The following SUPT3H variants were observed in gnomAD, a reference collection of about 807,000 sequenced individuals.
SUPT3H encodes the protein transcription initiation protein SPT3 homolog.
Under a neutral mutation model 44.3 loss-of-function variants are expected in SUPT3H, and 44 were observed. That is an observed-to-expected ratio of 0.99 (90% CI 0.78 to 1.28). The LOEUF (loss-of-function observed/expected upper bound fraction) is 1.28, where lower values mean the gene tolerates loss of function less well. Among genes scored for constraint, SUPT3H ranks in the 50% most tolerant of loss-of-function variants. SUPT3H has a pLI of 0.00. For synonymous variants in SUPT3H, 124 were observed against 125.6 expected, an observed-to-expected ratio of 0.99 and a Z score of 0.09; for missense variants, 380 against 387.1, an observed-to-expected ratio of 0.98 and a Z score of 0.15.
At position 44,828,985 on chromosome 6, in the gene SUPT3H, A is replaced by AAATT. The variant is rs1768136001; in HGVS notation, c.*827_*830dup. ...GGGTAGCTCGGCTGCTAACAGCAAG[A>AAATT]AATTACCCAGCCCACATTTCCAGTC... On this transcript the variant is annotated 3_prime_UTR_variant, in exon 11 of 11. Coordinates refer to ENST00000371459, the MANE Select transcript of SUPT3H (RefSeq NM_003599.4). The AAATT allele has an allele frequency of 6.6e-6, 1 of 152,622 alleles. No homozygotes were observed. Among genetic ancestry groups the AAATT allele is most frequent in the Admixed American group, 6.6e-5 (1 of 15,264 alleles). 9.5% of individuals were successfully genotyped at this position (152,622 alleles called of 1,614,324 possible). A position where few individuals can be genotyped will look rare whatever the true frequency, so the allele number is the denominator to read the frequency against.
chr6:44,813,340 C>T (rs1183027770), intron 11 of SUPT3H, among the ~76,000 whole-genome samples: 2 of 152,160 alleles, frequency 1.3e-5, no homozygotes, highest in East Asian at 3.9e-4. Flanking sequence ...AGGCACATGC[C>T]ACCACGCCCA....
chr6:45,295,162 T>A (rs375025409), intron 2 of SUPT3H, among the ~76,000 whole-genome samples: 1 of 151,682 alleles, frequency 6.6e-6, no homozygotes, highest in South Asian at 2.1e-4. Context: ...CATAGACCAA[T>A]GGAATAGAGA....
intron 3 of SUPT3H, among the ~76,000 whole-genome samples, chr6:45,029,973 T>C (rs908005536): frequency 2.0e-5 from 3 of 152,276 alleles, no homozygotes; most frequent in Middle Eastern, 3.4e-3. Context: ...CACTTTATTG[T>C]AGGCTGTTTT....
intron 10 of SUPT3H, among the ~76,000 whole-genome samples, chr6:44,845,949 GCTGA>G (rs1490277324): frequency 1.3e-5 from 2 of 152,208 alleles, no homozygotes; most frequent in South Asian, 2.1e-4. Flanking sequence ...GTCTAATTGA[GCTGA>G]CTAACACAAG....
At chr6:44,860,423 T>G (rs1296835729) in intron 10 of SUPT3H, among the ~76,000 whole-genome samples, 1 of 152,166 alleles carries the variant, frequency 6.6e-6, no homozygotes, top group Non-Finnish European at 1.5e-5. Flanking sequence ...AATCACAGAC[T>G]GTAGGAGCTC....
Position 45,120,417 on chromosome 6 carries a change from T to TAAAA in SUPT3H, c.102-14415_102-14412dup, listed in dbSNP as rs71687494. On this transcript the variant is annotated intron_variant, in intron 2 of 10. Coordinates refer to ENST00000371459, the MANE Select transcript of SUPT3H (RefSeq NM_003599.4). ...CTGGGTAACAGTGTGAGACCTTGTC[T>TAAAA]AAAAAAAAAAAAAAAAAAAAAAAAG... is the stretch of plus-strand genomic sequence containing the variant. 1.1e-3 allele frequency among the ~76,000 whole-genome samples: 58 copies of TAAAA among 50,502 alleles called. 2 individuals carry two copies. The South Asian group carries it at 0.018, about 15-fold the overall frequency. 33.1% of individuals were successfully genotyped at this position (50,502 alleles called of 152,430 possible). A position where few individuals can be genotyped will look rare whatever the true frequency, so the allele number is the denominator to read the frequency against.
chr6:45,229,324 T>C (rs1767525430), intron 2 of SUPT3H, among the ~76,000 whole-genome samples: 1 of 152,156 alleles, frequency 6.6e-6, no homozygotes, highest in Non-Finnish European at 1.5e-5. Flanking sequence ...TTCTTTTTCC[T>C]AGGAGAACTA....
chr6:44,887,452 G>C (rs1335489993), intron 10 of SUPT3H, among the ~76,000 whole-genome samples: 2 of 152,086 alleles, frequency 1.3e-5, no homozygotes, highest in Non-Finnish European at 1.5e-5. Flanking sequence ...CTAGAACTCA[G>C]GATTAAGAAA....
At chr6:45,139,275 T>A (rs764612245) in intron 2 of SUPT3H, among the ~76,000 whole-genome samples, 1 of 152,238 alleles carries the variant, frequency 6.6e-6, no homozygotes, top group African/African-American at 2.4e-5. Context: ...ACAACCTCTA[T>A]TATATTTTAC....
At chr6:44,949,282 C>G (rs1773884241) in intron 9 of SUPT3H, among the ~76,000 whole-genome samples, 1 of 151,932 alleles carries the variant, frequency 6.6e-6, no homozygotes, top group African/African-American at 2.4e-5. Flanking sequence ...CGAGACATAC[C>G]TAGTGTAAAT....
chr6:45,192,954 A>T (rs879113079), intron 2 of SUPT3H, among the ~76,000 whole-genome samples: 1 of 152,190 alleles, frequency 6.6e-6, no homozygotes, highest in Non-Finnish European at 1.5e-5. Context: ...CCATTTTCTA[A>T]AAAGGTTTTG....
At chr6:45,053,740 CAAAAAAA>C (rs57736879) in intron 3 of SUPT3H, among the ~76,000 whole-genome samples, 197 of 59,446 alleles carry the variant, frequency 3.3e-3, no homozygotes, top group Middle Eastern at 0.029. Context: ...ACTAAAAATA[CAAAAAAA>C]AAAAAAAAAA....
intron 2 of SUPT3H, among the ~76,000 whole-genome samples, chr6:45,284,279 C>G (rs1441096764): frequency 6.6e-6 from 1 of 151,766 alleles, no homozygotes; most frequent in East Asian, 1.9e-4. Flanking sequence ...CACAAAAAAC[C>G]CTTCAGAAAA....
At chr6:45,065,610 A>G (rs1459032186) in intron 3 of SUPT3H, among the ~76,000 whole-genome samples, 1 of 151,358 alleles carries the variant, frequency 6.6e-6, no homozygotes, top group South Asian at 2.1e-4. Flanking sequence ...AGACACAATA[A>G]AAAATGATAA....
chr6:45,004,939 G>A (rs1310569058), intron 5 of SUPT3H, among the ~76,000 whole-genome samples: 1 of 152,072 alleles, frequency 6.6e-6, no homozygotes, highest in East Asian at 1.9e-4. Context: ...ATCCCCTATT[G>A]ATGGGCATAA....
At chr6:44,896,536 T>G (rs1397503948) in intron 10 of SUPT3H, among the ~76,000 whole-genome samples, 1 of 152,120 alleles carries the variant, frequency 6.6e-6, no homozygotes, top group African/African-American at 2.4e-5. Context: ...AATAATCTGG[T>G]TAGTGATGGA....
intron 10 of SUPT3H, among the ~76,000 whole-genome samples, chr6:44,928,621 C>G (rs1485831493): frequency 6.6e-6 from 1 of 151,848 alleles, no homozygotes; most frequent in African/African-American, 2.4e-5. Context: ...AAGGGCCGGG[C>G]GCGGTGGCTC....
At chr6:45,376,939 C>T (rs1796872353) in intron 1 of SUPT3H, among the ~76,000 whole-genome samples, 1 of 151,490 alleles carries the variant, frequency 6.6e-6, no homozygotes, top group Non-Finnish European at 1.5e-5. Flanking sequence ...ACCGAAATAA[C>T]TTAACATTTC....
chr6:45,003,105 T>C (rs1489083849), intron 6 of SUPT3H, among the ~76,000 whole-genome samples: 1 of 152,140 alleles, frequency 6.6e-6, no homozygotes, highest in Non-Finnish European at 1.5e-5. Flanking sequence ...AAAGAAGACA[T>C]ATAATTTTCA....
Sources: gnomAD v4.1 joint callset for allele counts (sites outside exome capture counted in the v4.1 genomes callset) on GRCh38, gnomAD v4.1.1 for gene constraint, MANE v1.5 for transcripts, NCBI Gene and HGNC (gene_info 2026-07-23, HGNC 2026-07-21) for gene names.